The following SLIT1 variants were observed in gnomAD, a reference collection of about 807,000 sequenced individuals.
SLIT1 encodes the protein slit homolog 1 protein.
SLIT1 carries 66 observed loss-of-function variants against 186.1 expected under a neutral mutation model. The ratio of observed to expected loss-of-function variants is 0.35; its 90% CI spans 0.29 to 0.44. SLIT1 has a LOEUF of 0.44. SLIT1 is among the 20% of genes least tolerant of loss of function. The pLI is 1.00. For synonymous variants in SLIT1, 761 were observed against 833.8 expected, an observed-to-expected ratio of 0.91 and a Z score of 1.50; for missense variants, 1,638 against 2,037.4, an observed-to-expected ratio of 0.80 and a Z score of 3.77.
At chr10:97,174,063 A>G (rs1044992904) in intron 1 of SLIT1, among the ~76,000 whole-genome samples, 1 of 152,160 alleles carries the variant, frequency 6.6e-6, no homozygotes. Context: ...CACATGCACC[A>G]GGCTCCCTGT....
intron 30 of SLIT1, 108 bp from the exon 31 acceptor site, chr10:97,011,238 C>T (rs1848408057): frequency 1.2e-5 from 9 of 765,384 alleles, no homozygotes; most frequent in Non-Finnish European, 2.0e-5. Flanking sequence ...TGAGGGAGAA[C>T]CTCAAGTTCC....
At chr10:97,178,443 A>G (rs898111759) in intron 1 of SLIT1, among the ~76,000 whole-genome samples, 1 of 152,250 alleles carries the variant, frequency 6.6e-6, no homozygotes, top group African/African-American at 2.4e-5. Context: ...AATAATGTCC[A>G]GGTCAAGGAA....
chr10:97,057,090 A>G, intron 12 of SLIT1, 120 bp downstream of exon 12: 1 of 735,122 alleles, frequency 1.4e-6, no homozygotes, highest in Non-Finnish European at 2.3e-6. Context: ...CCTGTCTTCC[A>G]AGCTCATTGT....
At chr10:97,002,522 G>A (rs538813402) in intron 35 of SLIT1, among the ~76,000 whole-genome samples, 153 bp from the exon 36 acceptor site, 8 of 151,996 alleles carry the variant, frequency 5.3e-5, no homozygotes, top group East Asian at 3.9e-4. Context: ...AGTTGCATGC[G>A]ACTATGTGTG....
Position 97,083,406 on chromosome 10 carries a change from C to T in SLIT1, c.414-17320G>A, listed in dbSNP as rs1026077450. Among the ~76,000 whole-genome samples, 5 of 152,222 alleles carry T rather than the reference C, an allele frequency of 3.3e-5. No individual in the cohort carries two copies. In the South Asian group the frequency reaches 1.0e-3, roughly 32 times the overall value. ...ACTGACGGGCAAGTGTGTGGGGAGG[C>T]TTCTGGAAGTGTATGTATGTCGGCA... On this transcript the variant is annotated intron_variant, in intron 4 of 36. Coordinates refer to ENST00000266058, the MANE Select transcript of SLIT1 (RefSeq NM_003061.3).
At chr10:97,154,885 C>T (rs1055761293) in intron 4 of SLIT1, 1 of 152,154 alleles carries the variant, frequency 6.6e-6, no homozygotes. Flanking sequence ...TCTAGGACTC[C>T]TGTAAAATAT....
chr10:97,149,430 C>A (rs776447463), intron 4 of SLIT1, among the ~76,000 whole-genome samples: 1 of 152,184 alleles, frequency 6.6e-6, no homozygotes, highest in African/African-American at 2.4e-5. Context: ...CGCTTGGGGC[C>A]TTCCCTTACT....
intron 22 of SLIT1, among the ~76,000 whole-genome samples, chr10:97,037,183 C>A (rs1848648340): frequency 6.6e-6 from 1 of 151,880 alleles, no homozygotes; most frequent in Non-Finnish European, 1.5e-5. Flanking sequence ...CAGCCTCCAC[C>A]TCCCGGGTTC....
At chr10:97,107,949 G>T (rs568715569) in intron 4 of SLIT1, among the ~76,000 whole-genome samples, 1 of 152,340 alleles carries the variant, frequency 6.6e-6, no homozygotes, top group African/African-American at 2.4e-5. Flanking sequence ...CAGCAGTGCT[G>T]CACAAAGAGA....
In SLIT1 at chr10:97,078,319, C is replaced by T. The variant is rs1054101231; in HGVS notation, c.414-12233G>A. On this transcript the variant is annotated intron_variant, in intron 4 of 36. Transcript: ENST00000266058. ...CTGGAGAGGTGCGCCCCTTCCCTGCCCACCGCGAAGCCACAAACCCTCCTG... is the reference window on the plus strand; with the variant it reads ...CTGGAGAGGTGCGCCCCTTCCCTGCTCACCGCGAAGCCACAAACCCTCCTG... Among the ~76,000 whole-genome samples the T allele has an allele frequency of 9.9e-4, 150 of 152,182 alleles. 1 individual carries two copies. Among genetic ancestry groups the T allele is most frequent in the African/African-American group, 3.5e-3 (144 of 41,504 alleles).
intron 3 of SLIT1, among the ~76,000 whole-genome samples, chr10:97,159,764 G>A (rs1015403999): frequency 6.6e-6 from 1 of 152,168 alleles, no homozygotes; most frequent in African/African-American, 2.4e-5. Flanking sequence ...AAAGCGGAGC[G>A]TAAAGGTGGG....
At chr10:97,075,071 C>A (rs1224275109) in intron 4 of SLIT1, among the ~76,000 whole-genome samples, 1 of 152,212 alleles carries the variant, frequency 6.6e-6, no homozygotes, top group Non-Finnish European at 1.5e-5. Flanking sequence ...AGGGCACAGG[C>A]CTTACTTTGT....
At chr10:97,150,712 G>C (rs998399015) in intron 4 of SLIT1, among the ~76,000 whole-genome samples, 1 of 151,982 alleles carries the variant, frequency 6.6e-6, no homozygotes, top group South Asian at 2.1e-4. Context: ...GGATGACGAG[G>C]GGATCAGCAA....
chr10:97,025,932 C>T (rs1321700185), intron 25 of SLIT1, among the ~76,000 whole-genome samples: 1 of 152,206 alleles, frequency 6.6e-6, no homozygotes, highest in Admixed American at 6.5e-5. Flanking sequence ...ACTAAATCCC[C>T]AGCTGTGTCA....
intron 25 of SLIT1, 31 bp downstream of exon 25, chr10:97,030,726 G>A: frequency 6.4e-7 from 1 of 1,567,566 alleles, no homozygotes; most frequent in African/African-American, 1.4e-5. Flanking sequence ...GAAATCCAAA[G>A]AGGCCCAGAG....
At chr10:97,142,175 T>C (rs1450717020) in intron 4 of SLIT1, among the ~76,000 whole-genome samples, 1 of 130,216 alleles carries the variant, frequency 7.7e-6, no homozygotes, top group African/African-American at 2.5e-5. Context: ...CCAAACCAGA[T>C]CTCTCTTCTT....
chr10:97,084,762 C>T (rs1171963396), intron 4 of SLIT1, among the ~76,000 whole-genome samples: 6 of 151,680 alleles, frequency 4.0e-5, no homozygotes, highest in Admixed American at 1.3e-4. Context: ...AGTGCCACCA[C>T]GCTTGGCTAA....
intron 25 of SLIT1, among the ~76,000 whole-genome samples, chr10:97,027,430 G>A (rs1848555663): frequency 6.6e-6 from 1 of 152,224 alleles, no homozygotes; most frequent in African/African-American, 2.4e-5. Context: ...GCTGCTGCCT[G>A]TTTCCATCTT....
At chr10:97,085,731 T>C (rs1294542440) in intron 4 of SLIT1, among the ~76,000 whole-genome samples, 1 of 152,230 alleles carries the variant, frequency 6.6e-6, no homozygotes, top group East Asian at 1.9e-4. Context: ...TGAAATTATG[T>C]AATTAATATC....
Sources: gnomAD v4.1 joint callset for allele counts (sites outside exome capture counted in the v4.1 genomes callset) on GRCh38, gnomAD v4.1.1 for gene constraint, MANE v1.5 for transcripts, NCBI Gene and HGNC (gene_info 2026-07-23, HGNC 2026-07-21) for gene names.